Variants in PRKN observed in about 807,000 individuals in gnomAD.
PRKN encodes the protein parkin RBR E3 ubiquitin protein ligase, also known as E3 ubiquitin-protein ligase parkin.
A neutral mutation model predicts 59.5 loss-of-function variants in PRKN; 56 were observed. The observed-to-expected ratio is 0.94, with a 90% confidence interval of 0.76 to 1.18. The LOEUF (loss-of-function observed/expected upper bound fraction) is 1.18, where lower values mean the gene tolerates loss of function less well. PRKN is among the 50% of genes most tolerant of loss of function. The pLI is 0.00. For synonymous variants in PRKN, 250 were observed against 222.1 expected, an observed-to-expected ratio of 1.13 and a Z score of -1.12; for missense variants, 657 against 596.4, an observed-to-expected ratio of 1.10 and a Z score of -1.06.
chr6:162,570,648 G>C (rs1375728573), intron 1 of PRKN, among the ~76,000 whole-genome samples: 1 of 152,198 alleles, frequency 6.6e-6, no homozygotes, highest in East Asian at 1.9e-4. Flanking sequence ...ATAAAAAAGA[G>C]TGAGAGCCAG....
chr6:162,232,701 C>T (rs1036244042), intron 3 of PRKN, among the ~76,000 whole-genome samples: 1 of 152,012 alleles, frequency 6.6e-6, no homozygotes, highest in African/African-American at 2.4e-5. Flanking sequence ...CTTTAGATCA[C>T]AGGGGCTTTG....
At chr6:161,464,567 C>T (rs531043325) in intron 9 of PRKN, among the ~76,000 whole-genome samples, 14 of 152,298 alleles carry the variant, frequency 9.2e-5, no homozygotes, top group African/African-American at 1.7e-4. Flanking sequence ...GGTTTTCTCA[C>T]GCCCATCTGC....
chr6:161,907,321 T>C (rs1778187113), intron 6 of PRKN, among the ~76,000 whole-genome samples: 1 of 152,074 alleles, frequency 6.6e-6, no homozygotes, highest in African/African-American at 2.4e-5. Flanking sequence ...TGAGACTATT[T>C]GGAAAAAAAA....
At chr6:162,662,139 T>C (rs1205703092) in intron 1 of PRKN, among the ~76,000 whole-genome samples, 1 of 152,092 alleles carries the variant, frequency 6.6e-6, no homozygotes, top group Non-Finnish European at 1.5e-5. Context: ...TATCCAGTAA[T>C]GGGATTGCTG....
At chr6:162,527,256 G>A (rs761657407) in intron 1 of PRKN, among the ~76,000 whole-genome samples, 2 of 152,180 alleles carry the variant, frequency 1.3e-5, no homozygotes, top group Non-Finnish European at 2.9e-5. Flanking sequence ...ACAGCTCAGA[G>A]CAAGACCGAC....
intron 7 of PRKN, among the ~76,000 whole-genome samples, chr6:161,604,271 C>T (rs1217251506): frequency 6.6e-6 from 1 of 152,118 alleles, no homozygotes; most frequent in Non-Finnish European, 1.5e-5. Flanking sequence ...TTAAAAAAAG[C>T]ACCTTCAAAA....
At chr6:161,957,581 C>T (rs1438208692) in intron 6 of PRKN, among the ~76,000 whole-genome samples, 2 of 152,062 alleles carry the variant, frequency 1.3e-5, no homozygotes, top group African/African-American at 2.4e-5. Flanking sequence ...TGCGCCACCA[C>T]GCTCAGCTAA....
chr6:162,216,474 G>T (rs569903440), intron 3 of PRKN, among the ~76,000 whole-genome samples: 1 of 143,850 alleles, frequency 7.0e-6, no homozygotes, highest in Non-Finnish European at 1.5e-5. Flanking sequence ...AGCTTGCAGT[G>T]AGCCGAGATT....
intron 6 of PRKN, among the ~76,000 whole-genome samples, chr6:161,898,762 T>C (rs1269787625): frequency 6.6e-6 from 1 of 152,168 alleles, no homozygotes; most frequent in Non-Finnish European, 1.5e-5. Context: ...GATGATAATT[T>C]TGGTGATTCC....
At chr6:161,702,138 A>G (rs1036486206) in intron 7 of PRKN, among the ~76,000 whole-genome samples, 2 of 152,252 alleles carry the variant, frequency 1.3e-5, no homozygotes, top group Admixed American at 1.3e-4. Flanking sequence ...CTTAAAAAAT[A>G]TAAATGCCTT....
Position 161,874,400 on chromosome 6 carries a change from AATATTATATATAAAAT to A in PRKN, c.735-88508_735-88493del, listed in dbSNP as rs1333404058. On this transcript the variant is annotated intron_variant, in intron 6 of 11. Transcript: ENST00000366898. The stretch of plus-strand genomic sequence containing the variant: ...TATATAAAATATATATTATATGTAA[AATATTATATATAAAAT>A]ATATATTATATGTAAAATATTATAT... Among the ~76,000 whole-genome samples the A allele has an allele frequency of 6.9e-4, 61 of 88,290 alleles. 3 individuals are homozygous for A. Among genetic ancestry groups the A allele is most frequent in the South Asian group, 1.2e-3 (3 of 2,556 alleles). The allele number at this position is 88,290 out of a possible 152,430, so 57.9% of individuals were successfully genotyped here. A position where few individuals can be genotyped will look rare whatever the true frequency, so the allele number is the denominator to read the frequency against.
At chr6:161,750,108 T>TACACACACACAC (rs1231788670) in intron 7 of PRKN, among the ~76,000 whole-genome samples, 1 of 103,752 alleles carries the variant, frequency 9.6e-6, no homozygotes, top group Non-Finnish European at 2.1e-5. Flanking sequence ...CATATATATA[T>TACACACACACAC]ATATATATAT....
chr6:161,374,117 C>A (rs1309910196), intron 10 of PRKN, among the ~76,000 whole-genome samples: 1 of 152,132 alleles, frequency 6.6e-6, no homozygotes, highest in Non-Finnish European at 1.5e-5. Flanking sequence ...CAGAGAATTG[C>A]CAGGGGCGCT....
intron 10 of PRKN, among the ~76,000 whole-genome samples, chr6:161,368,981 A>T (rs1207049614): frequency 6.6e-6 from 1 of 151,896 alleles, no homozygotes; most frequent in African/African-American, 2.4e-5. Flanking sequence ...ACGGGGAGGG[A>T]GGGGAGTCCC....
chr6:162,377,754 G>A (rs958965527), intron 2 of PRKN, among the ~76,000 whole-genome samples: 1 of 152,162 alleles, frequency 6.6e-6, no homozygotes, highest in Non-Finnish European at 1.5e-5. Flanking sequence ...CTAATCGGGA[G>A]AGTAAGAGGA....
At chr6:162,452,787 A>C (rs1790686461) in intron 1 of PRKN, among the ~76,000 whole-genome samples, 2 of 140,484 alleles carry the variant, frequency 1.4e-5, no homozygotes, top group African/African-American at 5.4e-5. Flanking sequence ...ACTCCAATTA[A>C]AAGGCAGGGA....
intron 7 of PRKN, among the ~76,000 whole-genome samples, chr6:161,667,357 C>A (rs1562594950): frequency 6.6e-6 from 1 of 152,172 alleles, no homozygotes; most frequent in Non-Finnish European, 1.5e-5. Context: ...CCATCCCTGG[C>A]CCCTTCCTAG....
At chr6:162,352,386 T>A (rs559933536) in intron 2 of PRKN, among the ~76,000 whole-genome samples, 1 of 152,158 alleles carries the variant, frequency 6.6e-6, no homozygotes, top group Non-Finnish European at 1.5e-5. Context: ...AGGCTGTGTG[T>A]CAAACTTTCT....
chr6:162,060,488 G>A (rs918334221), intron 4 of PRKN, among the ~76,000 whole-genome samples: 10 of 152,168 alleles, frequency 6.6e-5, no homozygotes, highest in African/African-American at 2.4e-4. Flanking sequence ...CCCACAGAGG[G>A]AAAGCATTGA....
Sources: gnomAD v4.1 joint callset for allele counts (sites outside exome capture counted in the v4.1 genomes callset) on GRCh38, gnomAD v4.1.1 for gene constraint, MANE v1.5 for transcripts, NCBI Gene and HGNC (gene_info 2026-07-23, HGNC 2026-07-21) for gene names.